EDA: variants seen among roughly 807,000 people sequenced by gnomAD.
EDA encodes the protein ectodysplasin-A.
EDA carries 2 observed loss-of-function variants against 23.6 expected under a neutral mutation model. That is an observed-to-expected ratio of 0.08 (90% CI 0.03 to 0.27). The LOEUF is 0.27. Among genes scored for constraint, EDA ranks in the 10% least tolerant of loss-of-function variants. EDA has a pLI of 1.00. For synonymous variants in EDA, 131 were observed against 132.0 expected (o/e 0.99, Z 0.05); for missense variants, 229 against 324.2 (o/e 0.71, Z 2.26).
At chrX:69,641,683 T>C (rs1932840462) in intron 1 of EDA, among the ~76,000 whole-genome samples, 1 of 111,845 alleles carries the variant, frequency 8.9e-6, no homozygotes, top group African/African-American at 3.3e-5. Context: ...GGAGGGATAT[T>C]ACACTATTGG....
chrX:69,810,688 G>A (rs182286873), intron 1 of EDA, among the ~76,000 whole-genome samples: 2 of 107,346 alleles, frequency 1.9e-5, no homozygotes, highest in Admixed American at 1.0e-4. Flanking sequence ...CCCAGGAGGC[G>A]GAGGTTGCAG....
At chrX:69,756,841 A>G (rs746507079) in intron 1 of EDA, 2 of 111,747 alleles carry the variant, frequency 1.8e-5, no homozygotes, top group South Asian at 7.5e-4. Flanking sequence ...GCTAGTTTAT[A>G]ATACAGATAT....
intron 1 of EDA, among the ~76,000 whole-genome samples, chrX:69,934,679 A>C: frequency 9.0e-6 from 1 of 111,589 alleles, no homozygotes; most frequent in Admixed American, 9.5e-5. Context: ...GGGTTACACG[A>C]GATATTTTGA....
chrX:69,896,227 T>C (rs1216157578), intron 1 of EDA, among the ~76,000 whole-genome samples: 1 of 111,676 alleles, frequency 9.0e-6, no homozygotes, highest in Non-Finnish European at 1.9e-5. Flanking sequence ...CAGATTGGAT[T>C]TAGGCCCACT....
At chrX:69,934,698 C>A (rs1354680976) in intron 1 of EDA, among the ~76,000 whole-genome samples, 1 of 111,573 alleles carries the variant, frequency 9.0e-6, no homozygotes, top group Non-Finnish European at 1.9e-5. Flanking sequence ...GATACAGGCA[C>A]ACAATGTGTA....
intron 1 of EDA, among the ~76,000 whole-genome samples, chrX:69,774,686 G>A (rs991167045): frequency 8.9e-6 from 1 of 111,843 alleles, no homozygotes; most frequent in African/African-American, 3.2e-5. Flanking sequence ...TAGTAGCTCA[G>A]AGAAATTTCT....
chrX:69,830,682 G>A (rs5936769), intron 1 of EDA, among the ~76,000 whole-genome samples: 2 of 111,850 alleles, frequency 1.8e-5, no homozygotes, highest in Non-Finnish European at 3.8e-5. Flanking sequence ...TCATGGAAAC[G>A]CTTGAAATTG....
chrX:69,905,246 G>C (rs1054233114), intron 1 of EDA, among the ~76,000 whole-genome samples: 4 of 112,055 alleles, frequency 3.6e-5, no homozygotes, highest in Admixed American at 2.8e-4. Flanking sequence ...CACTGGTTAG[G>C]ATAGTTGAGG....
At chrX:69,715,966 A>G (rs2012313909) in intron 1 of EDA, among the ~76,000 whole-genome samples, 1 of 111,476 alleles carries the variant, frequency 9.0e-6, no homozygotes, top group African/African-American at 3.3e-5. Flanking sequence ...TAGATGCTGG[A>G]TATTAGACCT....
intron 2 of EDA, among the ~76,000 whole-genome samples, chrX:70,003,184 A>G (rs756763207): frequency 8.9e-6 from 1 of 111,776 alleles, no homozygotes; most frequent in African/African-American, 3.2e-5. Flanking sequence ...GATTCGCCCA[A>G]GGTCAGACAG....
At chrX:69,898,759 A>C (rs764699548) in intron 1 of EDA, among the ~76,000 whole-genome samples, 1 of 112,252 alleles carries the variant, frequency 8.9e-6, no homozygotes, top group Non-Finnish European at 1.9e-5. Context: ...AAACCATACA[A>C]TTGGAACTGC....
intron 2 of EDA, among the ~76,000 whole-genome samples, chrX:69,969,024 G>A (rs1222959711): frequency 2.7e-5 from 3 of 112,207 alleles, no homozygotes; most frequent in Non-Finnish European, 5.6e-5. Flanking sequence ...TAAGTCACTT[G>A]TTTAGGGTCT....
chrX:69,962,415 T>C (rs6624449), intron 2 of EDA, among the ~76,000 whole-genome samples: 11,021 of 111,928 alleles, frequency 0.098, 930 homozygotes, highest in East Asian at 0.61. Context: ...TGTTAATGTC[T>C]GCAAAAGTAC....
At chrX:69,848,861 C>T (rs2017060629) in intron 1 of EDA, among the ~76,000 whole-genome samples, 1 of 110,787 alleles carries the variant, frequency 9.0e-6, no homozygotes, top group South Asian at 3.8e-4. Context: ...CTTTGTGAAG[C>T]CGTCATATGT....
At chrX:69,731,786 G>A (rs1056982421) in intron 1 of EDA, among the ~76,000 whole-genome samples, 1 of 111,472 alleles carries the variant, frequency 9.0e-6, no homozygotes, top group South Asian at 3.8e-4. Flanking sequence ...CCTAAGCACT[G>A]CTACAGCTGT....
intron 1 of EDA, among the ~76,000 whole-genome samples, chrX:69,933,516 C>G (rs1160849288): frequency 1.8e-5 from 2 of 110,887 alleles, no homozygotes; most frequent in Non-Finnish European, 3.8e-5. Flanking sequence ...ACCGTCTCTA[C>G]TAAAAATACA....
intron 1 of EDA, among the ~76,000 whole-genome samples, chrX:69,752,970 CTTCT>C (rs1290733914): frequency 9.0e-6 from 1 of 111,260 alleles, no homozygotes; most frequent in Non-Finnish European, 1.9e-5. Context: ...TCTCTCTTTT[CTTCT>C]TTATTAGTCT....
chrX:69,643,305 A>G (rs1209759155), intron 1 of EDA, among the ~76,000 whole-genome samples: 2 of 109,546 alleles, frequency 1.8e-5, no homozygotes, highest in Non-Finnish European at 1.9e-5. Context: ...TTAGGGGGAC[A>G]TGTGCAGGAT....
intron 2 of EDA, among the ~76,000 whole-genome samples, chrX:69,987,060 T>C (rs1326585192): frequency 1.3e-5 from 1 of 76,505 alleles, no homozygotes; most frequent in Non-Finnish European, 2.3e-5. Flanking sequence ...CACTCATAGG[T>C]GGGAATTGAA....
Sources: gnomAD v4.1 joint callset for allele counts (sites outside exome capture counted in the v4.1 genomes callset) on GRCh38, gnomAD v4.1.1 for gene constraint, MANE v1.5 for transcripts, NCBI Gene and HGNC (gene_info 2026-07-23, HGNC 2026-07-21) for gene names.